Variants in WIPF2 observed in about 807,000 individuals in gnomAD.
WIPF2 encodes WAS/WASL-interacting protein family member 2.
WIPF2 carries 23 observed loss-of-function variants against 38.8 expected under a neutral mutation model. The observed-to-expected ratio is 0.59, with a 90% CI of 0.43 to 0.84. The LOEUF (loss-of-function observed/expected upper bound fraction) is 0.84, where lower values mean the gene tolerates loss of function less well. WIPF2 is among the 40% of genes least tolerant of loss of function. The pLI, the probability that WIPF2 is intolerant of heterozygous loss-of-function variation, is 0.00. For missense variants in WIPF2, 574 were observed against 580.5 expected (o/e 0.99, Z 0.11); for synonymous variants, 210 against 223.2 (o/e 0.94, Z 0.53).
At chr17:40,221,196 C>G (rs2030220143) in intron 1 of WIPF2, among the ~76,000 whole-genome samples, 1 of 152,246 alleles carries the variant, frequency 6.6e-6, no homozygotes, top group Admixed American at 6.6e-5. Flanking sequence ...TTTTGACTGT[C>G]TTACTGAATG....
chr17:40,226,800 G>A (rs2030510553), intron 1 of WIPF2, among the ~76,000 whole-genome samples: 1 of 151,918 alleles, frequency 6.6e-6, no homozygotes, highest in Non-Finnish European at 1.5e-5. Context: ...GGAGTGCAAT[G>A]GCACAATCTC....
intron 1 of WIPF2, among the ~76,000 whole-genome samples, chr17:40,250,374 GTGCCCGC>G (rs2031519156): frequency 6.7e-6 from 1 of 150,192 alleles, no homozygotes; most frequent in Non-Finnish European, 1.5e-5. Flanking sequence ...GGGACTACAG[GTGCCCGC>G]TGCCATGCCC....
At chr17:40,264,345 AAAAAAAAAG>A in intron 4 of WIPF2, 136 bp from the exon 5 acceptor site, 2 of 666,968 alleles carry the variant, frequency 3.0e-6, no homozygotes, top group Non-Finnish European at 4.9e-6. Flanking sequence ...AAAAAAAAAA[AAAAAAAAAG>A]AAAAACAAAA....
At chr17:40,227,682 G>C (rs982322706) in intron 1 of WIPF2, among the ~76,000 whole-genome samples, 5 of 151,782 alleles carry the variant, frequency 3.3e-5, no homozygotes, top group African/African-American at 4.8e-5. Context: ...GTGAAACCCT[G>C]TCTCTATTAA....
At chr17:40,229,614 T>G (rs1443857409) in intron 1 of WIPF2, among the ~76,000 whole-genome samples, 2 of 151,232 alleles carry the variant, frequency 1.3e-5, no homozygotes, top group Non-Finnish European at 2.9e-5. Flanking sequence ...AGAGATGGGG[T>G]TTCACCATGT....
At chr17:40,248,853 T>A (rs2031462830) in intron 1 of WIPF2, among the ~76,000 whole-genome samples, 1 of 152,212 alleles carries the variant, frequency 6.6e-6, no homozygotes, top group African/African-American at 2.4e-5. Flanking sequence ...AATGGTTTAT[T>A]AGGATATTAA....
At chr17:40,277,651 A>C (rs1347030907) in intron 7 of WIPF2, among the ~76,000 whole-genome samples, 1 of 151,448 alleles carries the variant, frequency 6.6e-6, no homozygotes, top group Non-Finnish European at 1.5e-5. Context: ...ACTGTACTCC[A>C]GCCTGGGTGA....
intron 4 of WIPF2, 121 bp downstream of exon 4, chr17:40,262,762 G>A (rs1942741396): frequency 5.2e-6 from 4 of 763,004 alleles, no homozygotes; most frequent in South Asian, 3.2e-5. Flanking sequence ...TGGGAGTAGG[G>A]GAGGAGTTAT....
intron 1 of WIPF2, among the ~76,000 whole-genome samples, chr17:40,243,015 A>G (rs1158595624): frequency 6.6e-6 from 1 of 152,206 alleles, no homozygotes; most frequent in Non-Finnish European, 1.5e-5. Context: ...GTCTTTTTAA[A>G]TGAAGCTTTC....
chr17:40,237,616 T>G (rs1236957625), intron 1 of WIPF2, among the ~76,000 whole-genome samples: 1 of 151,870 alleles, frequency 6.6e-6, no homozygotes, highest in East Asian at 1.9e-4. Context: ...TGTCGCTTAA[T>G]TCCTGTTATC....
intron 2 of WIPF2, among the ~76,000 whole-genome samples, chr17:40,257,845 TGTGTGTATGTGTGCACGCATAG>T (rs758505438): frequency 6.6e-6 from 1 of 150,556 alleles, no homozygotes; most frequent in Non-Finnish European, 1.5e-5. Context: ...AGGCCATGGG[TGTGTGTATGTGTGCACGCATAG>T]GTGTGTATGT....
chr17:40,272,434 A>G (rs1790738015), intron 5 of WIPF2, among the ~76,000 whole-genome samples: 1 of 152,214 alleles, frequency 6.6e-6, no homozygotes, highest in Non-Finnish European at 1.5e-5. Context: ...AGGCAATTCC[A>G]AAAGAGGTGT....
chr17:40,261,140 C>G (rs1438914408), intron 3 of WIPF2, among the ~76,000 whole-genome samples: 2 of 151,920 alleles, frequency 1.3e-5, no homozygotes, highest in Admixed American at 6.6e-5. Flanking sequence ...TCCTGGAAAC[C>G]TCTTGACTGA....
chr17:40,233,758 G>A (rs531957430), intron 1 of WIPF2, among the ~76,000 whole-genome samples: 4 of 151,810 alleles, frequency 2.6e-5, no homozygotes, highest in East Asian at 3.9e-4. Context: ...GTGAAACCCC[G>A]TCTCTACTAA....
chr17:40,245,652 A>T (rs1237596482), intron 1 of WIPF2, among the ~76,000 whole-genome samples: 3 of 151,850 alleles, frequency 2.0e-5, no homozygotes, highest in African/African-American at 7.3e-5. Flanking sequence ...CTGACCAGAT[A>T]ATTCTTTGTT....
intron 1 of WIPF2, among the ~76,000 whole-genome samples, chr17:40,221,305 C>T (rs1371841827): frequency 2.0e-5 from 3 of 152,082 alleles, no homozygotes; most frequent in African/African-American, 7.2e-5. Context: ...AACTTCAAGG[C>T]AAATTATTAA....
At chr17:40,220,346 C>G (rs2080174548) in intron 1 of WIPF2, 1 of 151,512 alleles carries the variant, frequency 6.6e-6, no homozygotes, top group Non-Finnish European at 1.5e-5. Flanking sequence ...AAGGAAAGTT[C>G]TTAAAAATAG....
intron 1 of WIPF2, among the ~76,000 whole-genome samples, chr17:40,233,075 C>T (rs1461399489): frequency 1.3e-5 from 2 of 152,162 alleles, no homozygotes; most frequent in African/African-American, 4.8e-5. Flanking sequence ...TACACCCAGG[C>T]TGTGGCAGAG....
intron 1 of WIPF2, 128 bp from the exon 2 acceptor site, chr17:40,256,262 TG>T (rs1475795767): frequency 1.5e-6 from 1 of 666,702 alleles, no homozygotes; most frequent in Non-Finnish European, 2.4e-6. Context: ...AGCCCTGGAC[TG>T]TATCACAGTG....
Sources: allele counts gnomAD v4.1 joint callset (sites outside exome capture counted in the v4.1 genomes callset), GRCh38; gene constraint gnomAD v4.1.1; transcripts MANE v1.5; gene names NCBI Gene and HGNC (gene_info 2026-07-23, HGNC 2026-07-21).